TRIO: variants seen among roughly 807,000 people sequenced by gnomAD.
TRIO encodes triple functional domain protein.
In TRIO, 58 loss-of-function variants were observed where a neutral mutation model predicts 351.9. The observed-to-expected ratio is 0.16, with a 90% CI of 0.13 to 0.21. The LOEUF (loss-of-function observed/expected upper bound fraction) is 0.21. Among genes scored for constraint, TRIO ranks in the 10% least tolerant of loss-of-function variants. TRIO has a pLI of 1.00. For synonymous variants in TRIO, 1,758 were observed against 1,595.7 expected (o/e 1.10, Z -2.42); for missense variants, 3,201 against 4,027.8 (o/e 0.79, Z 5.56).
chr5:14,290,742 T>C lies in TRIO; in HGVS notation c.567T>C (p.Leu189=), dbSNP rs570133434. ...FETNMVSLEG[L]TKVVDPSQLT... is the part of the protein sequence containing the mutation. Reference sequence around the variant, plus strand: ...CAAATATGGTCTCTTTAGAAGGCCTTACCAAAGTAGTTGATCCTTCTCAGC... The same window carrying C: ...CAAATATGGTCTCTTTAGAAGGCCTCACCAAAGTAGTTGATCCTTCTCAGC... Residue 189 remains leucine, a synonymous_variant, in exon 5 of 57, where the codon CTT becomes CTC. Transcript: ENST00000344204. 13 of 1,613,716 alleles carry C rather than the reference T, an allele frequency of 8.1e-6. No homozygotes were observed. The South Asian group carries it at 1.4e-4, about 18-fold the overall frequency.
At chr5:14,150,252 A>G (rs1288301641) in intron 1 of TRIO, among the ~76,000 whole-genome samples, 1 of 152,174 alleles carries the variant, frequency 6.6e-6, no homozygotes, top group African/African-American at 2.4e-5. Context: ...GACACTGGCA[A>G]AAAGACAGAA....
intron 3 of TRIO, among the ~76,000 whole-genome samples, chr5:14,284,832 G>A (rs1246311955): frequency 6.6e-6 from 1 of 152,172 alleles, no homozygotes; most frequent in Admixed American, 6.5e-5. Context: ...TTTGGTGTAC[G>A]GCAGCAGAAT....
At chr5:14,144,824 G>GCCCGCGTCCCCGCGT (rs1170388164) in intron 1 of TRIO, among the ~76,000 whole-genome samples, 32 of 151,900 alleles carry the variant, frequency 2.1e-4, no homozygotes, top group Admixed American at 6.6e-4. Flanking sequence ...CGCGAGCCGG[G>GCCCGCGTCCCCGCGT]CCCGCGTCCC....
chr5:14,480,451 C>G (rs768621900), intron 43 of TRIO, among the ~76,000 whole-genome samples: 1 of 152,174 alleles, frequency 6.6e-6, no homozygotes, highest in Non-Finnish European at 1.5e-5. Flanking sequence ...TCTGCTCTAT[C>G]AACTTTAATT....
chr5:14,492,788 C>T lies in TRIO; in HGVS notation c.7854C>T (p.Ile2618=), dbSNP rs758511150. 28 of 1,613,894 alleles carry T rather than the reference C, an allele frequency of 1.7e-5. No individual in the cohort carries two copies. Among genetic ancestry groups the T allele is most frequent in the Non-Finnish European group, 2.1e-5 (25 of 1,179,998 alleles). ...TCCTGGGCCACACCAGTGCAGTCATCGTGGAGAACCCGGACGGGACTCTCA... is the reference window on the plus strand; with the variant it reads ...TCCTGGGCCACACCAGTGCAGTCATTGTGGAGAACCCGGACGGGACTCTCA... ...GFVLGHTSAV[I]VENPDGTLKK... is the part of the protein sequence containing the mutation. Residue 2618 remains isoleucine (I), a synonymous_variant, in exon 49 of 57, where the codon ATC becomes ATT. Coordinates refer to ENST00000344204, the MANE Select transcript of TRIO (RefSeq NM_007118.4).
At chr5:14,467,433 G>A (rs1290665874) in intron 37 of TRIO, among the ~76,000 whole-genome samples, 1 of 152,134 alleles carries the variant, frequency 6.6e-6, no homozygotes, top group Non-Finnish European at 1.5e-5. Context: ...GTAATCGTGT[G>A]GTGTTCCGGA....
intron 7 of TRIO, among the ~76,000 whole-genome samples, chr5:14,301,785 T>C (rs1737919050): frequency 6.6e-6 from 1 of 152,220 alleles, no homozygotes; most frequent in Non-Finnish European, 1.5e-5. Context: ...CGGGGATTGC[T>C]GTGCTGGTGC....
At chr5:14,331,872 G>T (rs543798530) in intron 10 of TRIO, among the ~76,000 whole-genome samples, 2 of 152,212 alleles carry the variant, frequency 1.3e-5, no homozygotes, top group African/African-American at 4.8e-5. Context: ...GTGTATGTGT[G>T]GTGTGAATAG....
At chr5:14,270,972 A>C (rs1581494272) in intron 2 of TRIO, 73 bp downstream of exon 2, 19 of 1,025,708 alleles carry the variant, frequency 1.9e-5, no homozygotes, top group East Asian at 7.6e-5. Flanking sequence ...TAATAAATGA[A>C]CTCACCTGCC....
At chr5:14,356,430 T>C (rs1262778345) in intron 11 of TRIO, among the ~76,000 whole-genome samples, 1 of 152,216 alleles carries the variant, frequency 6.6e-6, no homozygotes, top group African/African-American at 2.4e-5. Flanking sequence ...CATAGTGAGA[T>C]ATACCACTCA....
chr5:14,255,428 C>T (rs534527605), intron 1 of TRIO, among the ~76,000 whole-genome samples: 81 of 152,278 alleles, frequency 5.3e-4, no homozygotes, highest in African/African-American at 1.8e-3. Flanking sequence ...AAGTTGTAGT[C>T]ATCAAATGGA....
chr5:14,170,378 T>C (rs1015372399), intron 1 of TRIO, among the ~76,000 whole-genome samples: 1 of 152,236 alleles, frequency 6.6e-6, no homozygotes, highest in Admixed American at 6.5e-5. Context: ...TGGTAATCTT[T>C]AGTTGCTTGA....
At chr5:14,194,026 C>T (rs536427897) in intron 1 of TRIO, among the ~76,000 whole-genome samples, 10 of 152,170 alleles carry the variant, frequency 6.6e-5, no homozygotes, top group Admixed American at 1.3e-4. Context: ...CAGCAGTTGT[C>T]GTGGCCTGTC....
intron 33 of TRIO, among the ~76,000 whole-genome samples, chr5:14,411,577 C>T (rs1749208769): frequency 1.3e-5 from 2 of 151,508 alleles, no homozygotes. Context: ...TATGGATTCA[C>T]ATATTTAAAA....
chr5:14,364,167 A>G (rs747766950), intron 14 of TRIO, among the ~76,000 whole-genome samples: 26 of 152,226 alleles, frequency 1.7e-4, no homozygotes, highest in Non-Finnish European at 5.9e-5. Flanking sequence ...TTAATTCTAC[A>G]CAATGATATG....
chr5:14,498,244 T>C lies in TRIO; in HGVS notation c.8203T>C (p.Ser2735Pro). Residue 2735 changes from serine to proline, a missense_variant, in exon 52 of 57, where the codon TCC (serine) becomes CCC (proline). Ser to Pro is a moderately conservative substitution (Grantham distance 74, BLOSUM62 -1). Around this residue, in one of 19 missense-constraint regions of TRIO, gnomAD observed 1,089 missense variants for 954.9 expected, o/e 1.14. Coordinates refer to ENST00000344204, the MANE Select transcript of TRIO (RefSeq NM_007118.4). The stretch of plus-strand genomic sequence containing the variant: ...GAACAACGATGGTCACTACAGCATC[T>C]CCTACAGGTGAGGGAGGCCCACTCC... ...TLNNDGHYSI[S>P]YSDLGEATLK... 1 of 1,614,042 alleles carries C rather than the reference T, an allele frequency of 6.2e-7. No individual in the cohort carries two copies. Among genetic ancestry groups the C allele is most frequent in the Non-Finnish European group, 8.5e-7 (1 of 1,179,908 alleles).
chr5:14,422,459 G>A (rs796929407), intron 34 of TRIO, among the ~76,000 whole-genome samples: 10 of 152,256 alleles, frequency 6.6e-5, no homozygotes, highest in African/African-American at 1.7e-4. Flanking sequence ...TATGTCAAAT[G>A]TAAAAAACAT....
chr5:14,190,577 C>G (rs533277434), intron 1 of TRIO, among the ~76,000 whole-genome samples: 1 of 152,082 alleles, frequency 6.6e-6, no homozygotes, highest in African/African-American at 2.4e-5. Context: ...TGCTTGTGGC[C>G]GTTCCTGCCC....
chr5:14,223,641 T>C (rs574784378), intron 1 of TRIO, among the ~76,000 whole-genome samples: 11 of 152,266 alleles, frequency 7.2e-5, no homozygotes, highest in African/African-American at 2.6e-4. Context: ...CCAGTGAGAT[T>C]TGCGAGAACA....
Sources: gnomAD v4.1 joint callset for allele counts (sites outside exome capture counted in the v4.1 genomes callset) on GRCh38, gnomAD v4.1.1 for gene constraint, gnomAD v4.1.1 regional missense constraint, MANE v1.5 for transcripts, NCBI Gene and HGNC (gene_info 2026-07-23, HGNC 2026-07-21) for gene names.